The following CD151 variants were observed in gnomAD, a reference collection of about 807,000 sequenced individuals.
CD151 encodes the protein CD151 antigen.
CD151 carries 20 observed loss-of-function variants against 34.2 expected under a neutral mutation model. The ratio of observed to expected loss-of-function variants is 0.58; its 90% CI spans 0.41 to 0.85. CD151 has a LOEUF of 0.85. Ranked by LOEUF, CD151 falls within the 40% of genes least tolerant of loss-of-function variation. The probability of loss-of-function intolerance (pLI) is 0.00; values close to 1 mark genes in which losing one functional copy is unlikely to be tolerated. For missense variants in CD151, 306 were observed against 324.5 expected, an observed-to-expected ratio of 0.94 and a Z score of 0.44; for synonymous variants, 157 against 131.7, an observed-to-expected ratio of 1.19 and a Z score of -1.32.
intron 8 of CD151, 22 bp downstream of exon 8, chr11:838,050 G>A (rs200873117): frequency 4.4e-4 from 702 of 1,610,834 alleles, no homozygotes; most frequent in Non-Finnish European, 5.7e-4. Flanking sequence ...TGGGGGTGGC[G>A]GTCATCTTGT....
Position 836,783 on chromosome 11 carries a change from C to A in CD151, c.291C>A (p.Leu97=). The change falls in exon 5 of 9, where the codon CTC becomes CTA. Residue 97 remains leucine (L), a synonymous_variant. Coordinates refer to ENST00000397420, the MANE Select transcript of CD151 (RefSeq NM_004357.5). ...RNLLRLYFIL[L]LIIFLLEIIA... ...GCCCCCCCCAGTACTTCATCCTGCT[C>A]CTCATCATCTTTCTGCTGGAGATCA... The A allele has an allele frequency of 6.2e-7, 1 of 1,612,758 alleles. No homozygotes were observed. The highest frequency in any genetic ancestry group is 8.5e-7 in the Non-Finnish European group (1 of 1,179,910).
At position 835,603 on chromosome 11, in the gene CD151, A is replaced by C. The variant is rs35601952; in HGVS notation, c.-7-460A>C. 687 of 157,304 alleles carry C rather than the reference A, an allele frequency of 4.4e-3. 6 individuals carry two copies. The highest frequency in any genetic ancestry group is 0.02 in the Middle Eastern group (6 of 298). The allele number at this position is 157,304 out of a possible 1,614,324, so 9.7% of individuals were successfully genotyped here. A position where few individuals can be genotyped will look rare whatever the true frequency, so the allele number is the denominator to read the frequency against. On this transcript the variant is annotated intron_variant, in intron 2 of 8. Coordinates refer to ENST00000397420, the MANE Select transcript of CD151 (RefSeq NM_004357.5). ...TGATTGCACCTGCCTTGGCCTCCCA[A>C]AGTGCTGGCATTATAGGCATGAGAC...
intron 2 of CD151, chr11:835,073 G>A (rs1414160581): frequency 6.6e-6 from 1 of 152,262 alleles, no homozygotes; most frequent in Non-Finnish European, 1.5e-5. Context: ...GCCGTGGGGA[G>A]CGGGCAGGCT....
chr11:836,140 A>C lies in CD151; in HGVS notation c.71A>C (p.Asn24Thr). The change falls in exon 3 of 9, where the codon AAT becomes ACT. Residue 24 changes from asparagine to threonine, a missense_variant. By Grantham distance (65) the Asn-to-Thr change is moderately conservative (BLOSUM62 0). Transcript: ENST00000397420. ...VCLKYLLFTYNCCFWLAGLAV... is the reference protein window; with the variant it reads ...VCLKYLLFTYTCCFWLAGLAV... Reference sequence around the variant, plus strand: ...CTCAAGTACCTGCTGTTTACCTACAATTGCTGCTTCTGGGTGAGGAGGGGT... The same window carrying C: ...CTCAAGTACCTGCTGTTTACCTACACTTGCTGCTTCTGGGTGAGGAGGGGT... 3 of 1,612,338 alleles carry C rather than the reference A, an allele frequency of 1.9e-6. No individual in the cohort carries two copies. The East Asian group carries it at 6.7e-5, about 36-fold the overall frequency.
Position 838,198 on chromosome 11 carries a change from C to T in CD151, c.*6C>T. 5 of 1,611,528 alleles carry T rather than the reference C, an allele frequency of 3.1e-6. No homozygotes were observed. The highest frequency in any genetic ancestry group is 1.7e-5 in the Admixed American group (1 of 60,004). On this transcript the variant is annotated 3_prime_UTR_variant, in exon 9 of 9. Coordinates refer to ENST00000397420, the MANE Select transcript of CD151 (RefSeq NM_004357.5). ...TCAAGCTGGAGCACTACTGACCCTG[C>T]CTTGGGCCTTGCTGCTGCTGCACCC...
chr11:836,556 TC>T (rs1846779704), intron 4 of CD151, 114 bp downstream of exon 4: 1 of 882,484 alleles, frequency 1.1e-6, no homozygotes, highest in African/African-American at 1.7e-5. Context: ...GGGGTCACGG[TC>T]CTTCCACACC....
rs751328913 is a variant in CD151, at chr11:836,042, AC to A, written c.-7-17del. 1 of 1,484,012 alleles carries A rather than the reference AC, an allele frequency of 6.7e-7. No homozygotes were observed. The highest frequency in any genetic ancestry group is 1.7e-5 in the Admixed American group (1 of 59,620). The allele number at this position is 1,484,012 out of a possible 1,614,324, so 91.9% of individuals were successfully genotyped here. A position where few individuals can be genotyped will look rare whatever the true frequency, so the allele number is the denominator to read the frequency against. On this transcript the variant is annotated intron_variant, in intron 2 of 8. Transcript: ENST00000397420. ...GGGGCCCGGTGCTGTGGCCCCGCTGACCCCTCCCCTGCCTCCTCAGCCCCAG... is the reference window on the plus strand; with the variant it reads ...GGGGCCCGGTGCTGTGGCCCCGCTGACCCTCCCCTGCCTCCTCAGCCCCAG...
chr11:836,766 C>T lies in CD151; in HGVS notation c.277-3C>T, dbSNP rs1846789419. 1 of 1,612,538 alleles carries T rather than the reference C, an allele frequency of 6.2e-7. No individual in the cohort carries two copies. The highest frequency in any genetic ancestry group is 8.5e-7 in the Non-Finnish European group (1 of 1,179,888). Reference sequence around the variant, plus strand: ...AAGGGTGCCCTTGTGCTGCCCCCCCCAGTACTTCATCCTGCTCCTCATCAT... The same window carrying T: ...AAGGGTGCCCTTGTGCTGCCCCCCCTAGTACTTCATCCTGCTCCTCATCAT... On this transcript the variant is annotated splice_region_variant and splice_polypyrimidine_tract_variant and intron_variant, in intron 4 of 8. Coordinates refer to ENST00000397420, the MANE Select transcript of CD151 (RefSeq NM_004357.5).
intron 1 of CD151, 196 bp from the exon 2 acceptor site, chr11:834,333 TG>T (rs1425986596): frequency 2.0e-5 from 3 of 152,302 alleles, no homozygotes; most frequent in African/African-American, 7.2e-5. Context: ...CACTCCAGCC[TG>T]GGTGACAGAG....
intron 3 of CD151, 35 bp from the exon 4 acceptor site, chr11:836,215 TG>T: frequency 6.9e-7 from 1 of 1,450,332 alleles, no homozygotes; most frequent in South Asian, 1.1e-5. Context: ...CCATCAGACC[TG>T]GGCAGATGCG....
chr11:833,670 ACTC>A lies in CD151; in HGVS notation c.-70+648_-70+650del, dbSNP rs545361244. ...CCAGGCATTCCTGGGAAGAGGGGCC[ACTC>A]CTCAGCGGGTCGCCTGTGTCCTCGC... On this transcript the variant is annotated intron_variant, in intron 1 of 8. Transcript: ENST00000397420. 3.3e-3 allele frequency among the ~76,000 whole-genome samples: 497 copies of A among 151,198 alleles called. 5 individuals are homozygous for A. Among genetic ancestry groups the A allele is most frequent in the African/African-American group, 0.011 (440 of 41,254 alleles).
Position 838,393 on chromosome 11 carries a change from T to G in CD151, c.*201T>G. The G allele has an allele frequency of 5.1e-6, 3 of 587,210 alleles. No individual in the cohort carries two copies. Among genetic ancestry groups the G allele is most frequent in the East Asian group, 2.8e-5 (1 of 35,406 alleles). 36.4% of individuals were successfully genotyped at this position (587,210 alleles called of 1,614,324 possible). A position where few individuals can be genotyped will look rare whatever the true frequency, so the allele number is the denominator to read the frequency against. On this transcript the variant is annotated 3_prime_UTR_variant, in exon 9 of 9. Transcript: ENST00000397420. ...GTGAGGGGGGCTGGCGGGGCGAAGT[T>G]TGGGGGGTGTTTTGTGGGGCTCCCC...
chr11:833,092 A>AGGGGGGCGAGGGGCGCGAG (rs1315818320), intron 1 of CD151, 66 bp downstream of exon 1: 1 of 145,556 alleles, frequency 6.9e-6, no homozygotes, highest in Non-Finnish European at 1.5e-5. Context: ...GAGGGGCGCG[A>AGGGGGGCGAGGGGCGCGAG]GGGGGGCGAG....
In CD151 at chr11:836,258, G is replaced by T; in HGVS notation, c.92G>T (p.Gly31Val). ...TTTGTGTACTGCTTGTAGCTGGCTG[G>T]CCTGGCTGTCATGGCAGTGGGCATC... ...FTYNCCFWLA[G>V]LAVMAVGIWT... The change falls in exon 4 of 9, where the codon GGC (glycine) becomes GTC (valine). Residue 31 changes from glycine (G) to valine (V), a missense_variant. Coordinates refer to ENST00000397420, the MANE Select transcript of CD151 (RefSeq NM_004357.5). The T allele has an allele frequency of 6.2e-7, 1 of 1,612,348 alleles. No homozygotes were observed. Among genetic ancestry groups the T allele is most frequent in the Non-Finnish European group, 8.5e-7 (1 of 1,179,640 alleles).
At chr11:837,811 G>T in intron 7 of CD151, 131 bp from the exon 8 acceptor site, 1 of 862,584 alleles carries the variant, frequency 1.2e-6, no homozygotes, top group Non-Finnish European at 1.8e-6. Flanking sequence ...CCAGTGGCTG[G>T]CTGAGCTGTT....
rs753806157 is a variant in CD151, at chr11:838,032, A to G, written c.702+4A>G. On this transcript the variant is annotated splice_donor_region_variant and intron_variant, in intron 8 of 8. Transcript: ENST00000397420. ...GATCGGCATTGCCTGTGTGCAGGTG[A>G]GGGCACATGGGGGTGGCGGTCATCT... 4.0e-5 allele frequency: 65 copies of G among 1,612,372 alleles called. No homozygotes were observed. Among genetic ancestry groups the G allele is most frequent in the Non-Finnish European group, 5.0e-5 (59 of 1,178,974 alleles).
At position 837,590 on chromosome 11, in the gene CD151, A is replaced by G. The variant is rs1846823942; in HGVS notation, c.587A>G (p.Asp196Gly). ...KTVVALCGQR[D>G]HASNIYKVEG... Reference sequence around the variant, plus strand: ...GTGGTGGCTCTTTGTGGGCAGCGAGACCATGCCTCCAACATCTACAAGGTG... The same window carrying G: ...GTGGTGGCTCTTTGTGGGCAGCGAGGCCATGCCTCCAACATCTACAAGGTG... The change falls in exon 7 of 9, where the codon GAC becomes GGC. Residue 196 changes from aspartate (D) to glycine (G), a missense_variant. Coordinates refer to ENST00000397420, the MANE Select transcript of CD151 (RefSeq NM_004357.5). The G allele has an allele frequency of 6.2e-7, 1 of 1,612,436 alleles. No homozygotes were observed. The highest frequency in any genetic ancestry group is 8.5e-7 in the Non-Finnish European group (1 of 1,179,808).
At position 836,025 on chromosome 11, in the gene CD151, G is replaced by A. The variant is rs753001930; in HGVS notation, c.-7-38G>A. 4 of 1,245,632 alleles carry A rather than the reference G, an allele frequency of 3.2e-6. No individual in the cohort carries two copies. The Admixed American group carries it at 5.1e-5, about 16-fold the overall frequency. The allele number at this position is 1,245,632 out of a possible 1,614,324, so 77.2% of individuals were successfully genotyped here. A position where few individuals can be genotyped will look rare whatever the true frequency, so the allele number is the denominator to read the frequency against. On this transcript the variant is annotated intron_variant, in intron 2 of 8. Transcript: ENST00000397420. ...TATCCGTCTCCCAGTCAGGGGCCCG[G>A]TGCTGTGGCCCCGCTGACCCCTCCC...
intron 2 of CD151, chr11:835,757 G>A (rs377125199): frequency 3.9e-5 from 12 of 305,972 alleles, no homozygotes; most frequent in East Asian, 7.5e-5. Context: ...GCACCATCTC[G>A]GCTCACTGCA....
Sources: allele counts gnomAD v4.1 joint callset (sites outside exome capture counted in the v4.1 genomes callset), GRCh38; gene constraint gnomAD v4.1.1; transcripts MANE v1.5; gene names NCBI Gene and HGNC (gene_info 2026-07-23, HGNC 2026-07-21).